The following HIF3A variants were observed in gnomAD, a reference collection of about 807,000 sequenced individuals.
HIF3A encodes the protein hypoxia inducible factor 3 subunit alpha.
HIF3A carries 41 observed loss-of-function variants against 67.2 expected under a neutral mutation model. The ratio of observed to expected loss-of-function variants is 0.61; its 90% CI spans 0.48 to 0.79. The LOEUF is 0.79. HIF3A is among the 30% of genes least tolerant of loss of function. The pLI, the probability that HIF3A is intolerant of heterozygous loss-of-function variation, is 0.00. For missense variants in HIF3A, 855 were observed against 898.0 expected (o/e 0.95, Z 0.61); for synonymous variants, 356 against 374.8 (o/e 0.95, Z 0.58).
rs1352919421 is a variant in HIF3A at position 46,339,608 on chromosome 19, G to C, written c.1996G>C (p.Ala666Pro). ...CCCCTTCCAGCCAAGGGCAGGCTCA[G>C]CCCAGGCTGACTGAGCCGGCTCCTC... ...GGPFQPRAGS[A>P]QAD is the part of the protein sequence containing the mutation. Residue 666 changes from alanine to proline, a missense_variant, in exon 15 of 15, where the codon GCC becomes CCC. Physicochemically the swap from Ala to Pro is conservative, Grantham distance 27. Transcript: ENST00000377670. 3 of 1,603,964 alleles carry C rather than the reference G, an allele frequency of 1.9e-6. No homozygotes were observed. In the South Asian group the frequency reaches 3.3e-5, roughly 18 times the overall value.
intron 1 of HIF3A, among the ~76,000 whole-genome samples, chr19:46,302,814 C>T (rs950846823): frequency 2.0e-4 from 31 of 152,028 alleles, no homozygotes; most frequent in Non-Finnish European, 7.3e-5. Context: ...ACTGAGTCTG[C>T]AGTGAGCCAT....
intron 13 of HIF3A, among the ~76,000 whole-genome samples, chr19:46,333,130 A>G (rs114094282): frequency 0.014 from 2,080 of 152,254 alleles, 39 homozygotes; most frequent in African/African-American, 0.047. Context: ...AATTCCTTGC[A>G]TGATTAACTT....
intron 13 of HIF3A, among the ~76,000 whole-genome samples, chr19:46,333,274 A>G (rs1397976005): frequency 1.3e-5 from 2 of 152,192 alleles, no homozygotes; most frequent in Admixed American, 6.5e-5. Context: ...GGAGAATTTA[A>G]TAACAGGACT....
At chr19:46,337,876 C>T (rs1335669321) in intron 14 of HIF3A, among the ~76,000 whole-genome samples, 2 of 152,200 alleles carry the variant, frequency 1.3e-5, no homozygotes, top group Admixed American at 1.3e-4. Flanking sequence ...TGATGACTGT[C>T]TGTCTTCTCC....
intron 8 of HIF3A, among the ~76,000 whole-genome samples, chr19:46,317,032 C>G (rs1426049303): frequency 6.6e-6 from 1 of 152,076 alleles, no homozygotes; most frequent in Non-Finnish European, 1.5e-5. Context: ...AGCCCTGACC[C>G]ACCTGAGCCT....
intron 6 of HIF3A, among the ~76,000 whole-genome samples, chr19:46,311,861 A>C (rs1462982382): frequency 6.6e-6 from 1 of 152,154 alleles, no homozygotes; most frequent in African/African-American, 2.4e-5. Context: ...AGCCTGCCTC[A>C]AAAAACAAAC....
In HIF3A at chr19:46,297,177, G is replaced by A. The variant is rs902980934; in HGVS notation, c.26+75G>A. On this transcript the variant is annotated intron_variant, in intron 1 of 14. Transcript: ENST00000377670. This position sits in a 1 kb window ranked among gnomAD's most constrained non-coding sequence, Gnocchi z 4.5. ...TGGAGACCCCTGAGCTGGATTGTTG[G>A]GGGGGGTGGGGTTCGCGGGTGCGAG... 1.0e-4 allele frequency: 77 copies of A among 734,356 alleles called. 1 individual carries two copies. Among genetic ancestry groups the A allele is most frequent in the Middle Eastern group, 3.1e-4 (1 of 3,238 alleles). The allele number at this position is 734,356 out of a possible 1,614,324, so 45.5% of individuals were successfully genotyped here.
chr19:46,313,087 T>A, intron 8 of HIF3A: 2 of 725,976 alleles, frequency 2.8e-6, no homozygotes, highest in Non-Finnish European at 3.4e-6. Flanking sequence ...CTGTTTCTAC[T>A]AATAATACCA....
chr19:46,331,836 C>T (rs988088938), intron 13 of HIF3A, among the ~76,000 whole-genome samples: 6 of 96,864 alleles, frequency 6.2e-5, no homozygotes, highest in African/African-American at 1.7e-4. Flanking sequence ...GTCTAGGCAA[C>T]AAGAGTGAAA....
At position 46,305,227 on chromosome 19, in the gene HIF3A, C is replaced by T. The variant is rs1968733758; in HGVS notation, c.218-18C>T. 1 of 1,613,698 alleles carries T rather than the reference C, an allele frequency of 6.2e-7. No individual in the cohort carries two copies. Among genetic ancestry groups the T allele is most frequent in the South Asian group, 1.1e-5 (1 of 91,070 alleles). On this transcript the variant is annotated intron_variant, in intron 2 of 14. Coordinates refer to ENST00000377670, the MANE Select transcript of HIF3A (RefSeq NM_152795.4). Reference sequence around the variant, plus strand: ...TAACTGACTAGAGATGCCCCCATCCCCCTGCCCCGGGCACCAGGGGAGTGG... The same window carrying T: ...TAACTGACTAGAGATGCCCCCATCCTCCTGCCCCGGGCACCAGGGGAGTGG...
intron 10 of HIF3A, 88 bp from the exon 11 acceptor site, chr19:46,325,447 C>T: frequency 1.1e-6 from 1 of 892,500 alleles, no homozygotes; most frequent in South Asian, 1.5e-5. Flanking sequence ...ATTTGATCCC[C>T]ACTTCTACCC....
chr19:46,338,833 C>T (rs1372108883), intron 14 of HIF3A, among the ~76,000 whole-genome samples: 1 of 152,164 alleles, frequency 6.6e-6, no homozygotes, highest in Non-Finnish European at 1.5e-5. Flanking sequence ...CAGCCCTGAA[C>T]ACCCCAGAGA....
chr19:46,304,170 C>G (rs1057174237), intron 2 of HIF3A, 82 bp downstream of exon 2: 1 of 1,286,134 alleles, frequency 7.8e-7, no homozygotes, highest in Non-Finnish European at 1.1e-6. Context: ...GCCCCTCCTC[C>G]GGGAAGCCTT....
intron 11 of HIF3A, among the ~76,000 whole-genome samples, chr19:46,328,883 GCT>G (rs745680887): frequency 6.6e-6 from 1 of 152,044 alleles, no homozygotes; most frequent in African/African-American, 2.4e-5. Flanking sequence ...ACCATACCTG[GCT>G]AATTTTTTTC....
intron 10 of HIF3A, among the ~76,000 whole-genome samples, chr19:46,323,555 G>C (rs1402549097): frequency 1.3e-5 from 2 of 152,100 alleles, no homozygotes; most frequent in Non-Finnish European, 2.9e-5. Flanking sequence ...CAACGGCCAT[G>C]GGAGTTTGAC....
intron 1 of HIF3A, chr19:46,298,542 CCCCTT>C: frequency 8.0e-7 from 1 of 1,250,580 alleles, no homozygotes. Flanking sequence ...ACCTCCTTTC[CCCCTT>C]CCCTTCCTCT....
At chr19:46,298,537 CT>C in intron 1 of HIF3A, 1 of 1,255,660 alleles carries the variant, frequency 8.0e-7, no homozygotes, top group Non-Finnish European at 1.0e-6. Context: ...CCAACACCTC[CT>C]TTCCCCCTTC....
At chr19:46,335,312 C>T (rs143813351) in intron 14 of HIF3A, among the ~76,000 whole-genome samples, 2,374 of 151,794 alleles carry the variant, frequency 0.016, 65 homozygotes, top group African/African-American at 0.054. Context: ...TCTTGTCGCC[C>T]AGGCTGGAGT....
intron 13 of HIF3A, among the ~76,000 whole-genome samples, chr19:46,332,164 C>T (rs1170621002): frequency 2.6e-5 from 4 of 152,108 alleles, no homozygotes; most frequent in African/African-American, 7.2e-5. Flanking sequence ...TTACATCTCA[C>T]GGGACTGCCA....
Sources: allele counts gnomAD v4.1 joint callset (sites outside exome capture counted in the v4.1 genomes callset), GRCh38; gene constraint gnomAD v4.1.1; non-coding constraint Gnocchi (gnomAD v3.1); transcripts MANE v1.5; gene names NCBI Gene and HGNC (gene_info 2026-07-23, HGNC 2026-07-21).